Variants in C3orf20 observed in about 807,000 individuals in gnomAD.
The protein encoded by C3orf20 is family with sequence similarity 149 member C.
In C3orf20, 76 loss-of-function variants were observed where a neutral mutation model predicts 88.3. That is an observed-to-expected ratio of 0.86 (90% confidence interval 0.72 to 1.04). C3orf20 has a LOEUF of 1.04. C3orf20 is among the 50% of genes least tolerant of loss of function. The probability of loss-of-function intolerance (pLI) is 0.00; values close to 1 mark genes in which losing one functional copy is unlikely to be tolerated. For missense variants in C3orf20, 1,056 were observed against 1,123.3 expected (o/e 0.94, Z 0.86); for synonymous variants, 436 against 437.4 (o/e 1.00, Z 0.04).
intron 12 of C3orf20, among the ~76,000 whole-genome samples, chr3:14,756,061 GAA>G (rs2035361022): frequency 6.8e-6 from 1 of 146,816 alleles, no homozygotes; most frequent in Non-Finnish European, 1.5e-5. Flanking sequence ...AAAGAAAAAA[GAA>G]AAAAGAGTTT....
intron 13 of C3orf20, among the ~76,000 whole-genome samples, chr3:14,758,318 G>A (rs749158621): frequency 6.6e-6 from 1 of 152,186 alleles, no homozygotes; most frequent in East Asian, 1.9e-4. Context: ...GTGCGAAGGG[G>A]GACAGGAGAG....
intron 5 of C3orf20, among the ~76,000 whole-genome samples, chr3:14,694,191 G>A (rs557827460): frequency 3.9e-5 from 6 of 152,246 alleles, no homozygotes; most frequent in Non-Finnish European, 8.8e-5. Context: ...TGGTATCAGA[G>A]TAATATTGGC....
At chr3:14,737,878 G>A (rs1288177533) in intron 12 of C3orf20, among the ~76,000 whole-genome samples, 1 of 152,054 alleles carries the variant, frequency 6.6e-6, no homozygotes, top group Non-Finnish European at 1.5e-5. Context: ...AATGTTTATG[G>A]CATCTTCACC....
chr3:14,676,738 A>G (rs752450397), intron 1 of C3orf20, among the ~76,000 whole-genome samples: 4 of 152,082 alleles, frequency 2.6e-5, no homozygotes, highest in Admixed American at 1.3e-4. Flanking sequence ...GACCCATCAC[A>G]GTAAGGGCCC....
intron 10 of C3orf20, chr3:14,722,521 C>A (rs1364972241): frequency 2.2e-6 from 1 of 456,698 alleles, no homozygotes; most frequent in Non-Finnish European, 4.4e-6. Context: ...AGAAAACTAC[C>A]AGTGCATGTT....
chr3:14,688,529 C>CAAAAAAAAAAAAAAAAAAAA (rs35979290), intron 4 of C3orf20, among the ~76,000 whole-genome samples: 7 of 105,840 alleles, frequency 6.6e-5, no homozygotes, highest in South Asian at 3.4e-4. Flanking sequence ...GAGACTGTCT[C>CAAAAAAAAAAAAAAAAAAAA]AAAAAAAAAA....
At chr3:14,697,489 C>T (rs903508934) in intron 5 of C3orf20, among the ~76,000 whole-genome samples, 1 of 151,998 alleles carries the variant, frequency 6.6e-6, no homozygotes, top group Non-Finnish European at 1.5e-5. Flanking sequence ...ATATCAATTG[C>T]ATTTTTAAAT....
chr3:14,692,348 A>G (rs1242064333), intron 5 of C3orf20, among the ~76,000 whole-genome samples: 1 of 152,198 alleles, frequency 6.6e-6, no homozygotes, highest in African/African-American at 2.4e-5. Flanking sequence ...GGTTGTGCTA[A>G]TTGACATTCC....
chr3:14,772,744 G>C lies in C3orf20; in HGVS notation c.2631-47G>C. ...CAACCGGGCCTGGGCTCTGGGCACT[G>C]TGAAGAACAGCCCTTCCGCCTCCCG... On this transcript the variant is annotated intron_variant, in intron 16 of 16. Transcript: ENST00000253697. This position sits in a 1 kb window ranked among gnomAD's most constrained non-coding sequence, Gnocchi z 4.2. 1 of 1,518,738 alleles carries C rather than the reference G, an allele frequency of 6.6e-7. No individual in the cohort carries two copies. The allele number at this position is 1,518,738 out of a possible 1,614,324, so 94.1% of individuals were successfully genotyped here. A position where few individuals can be genotyped will look rare whatever the true frequency, so the allele number is the denominator to read the frequency against.
intron 12 of C3orf20, among the ~76,000 whole-genome samples, chr3:14,736,359 C>T (rs1443911963): frequency 1.3e-5 from 2 of 151,640 alleles, no homozygotes; most frequent in African/African-American, 4.9e-5. Flanking sequence ...GGCACAATCT[C>T]GGCTCACTGC....
At chr3:14,749,270 T>C (rs2035150986) in intron 12 of C3orf20, among the ~76,000 whole-genome samples, 1 of 152,242 alleles carries the variant, frequency 6.6e-6, no homozygotes, top group African/African-American at 2.4e-5. Context: ...TAACCACTCC[T>C]GGTTATTTTT....
At chr3:14,734,559 C>T (rs1231084166) in intron 12 of C3orf20, among the ~76,000 whole-genome samples, 1 of 152,088 alleles carries the variant, frequency 6.6e-6, no homozygotes, top group Non-Finnish European at 1.5e-5. Context: ...GAAAAAACTG[C>T]ATAATTTCAA....
At chr3:14,731,599 T>C (rs2034543037) in intron 12 of C3orf20, among the ~76,000 whole-genome samples, 1 of 152,188 alleles carries the variant, frequency 6.6e-6, no homozygotes, top group Non-Finnish European at 1.5e-5. Flanking sequence ...ATGTTTCTGC[T>C]AAGGAAGCCC....
chr3:14,735,364 A>T (rs536761328), intron 12 of C3orf20, among the ~76,000 whole-genome samples: 1 of 151,782 alleles, frequency 6.6e-6, no homozygotes, highest in South Asian at 2.1e-4. Context: ...TCCATATATT[A>T]TTTAAATATT....
chr3:14,769,246 G>A (rs1171626557), intron 15 of C3orf20, among the ~76,000 whole-genome samples: 1 of 152,102 alleles, frequency 6.6e-6, no homozygotes, highest in East Asian at 1.9e-4. Flanking sequence ...CAGAGGAGGG[G>A]ACCTGGGAGG....
intron 9 of C3orf20, 73 bp downstream of exon 9, chr3:14,715,482 G>C (rs574080171): frequency 6.5e-7 from 1 of 1,529,544 alleles, no homozygotes; most frequent in African/African-American, 1.4e-5. Flanking sequence ...ATCCTGCCAT[G>C]CACTGCCTAG....
At chr3:14,721,170 T>C (rs1172328310) in intron 9 of C3orf20, among the ~76,000 whole-genome samples, 3 of 152,222 alleles carry the variant, frequency 2.0e-5, no homozygotes, top group Non-Finnish European at 2.9e-5. Flanking sequence ...TTCTGGGTCC[T>C]CTTTGACCTC....
intron 5 of C3orf20, among the ~76,000 whole-genome samples, chr3:14,694,826 G>T (rs1006017783): frequency 6.6e-6 from 1 of 151,700 alleles, no homozygotes; most frequent in Non-Finnish European, 1.5e-5. Context: ...GTCTCACTCT[G>T]TTGCCCCAGG....
At chr3:14,703,391 G>C in intron 6 of C3orf20, 129 bp downstream of exon 6, 1 of 1,456,848 alleles carries the variant, frequency 6.9e-7, no homozygotes, top group African/African-American at 1.4e-5. Context: ...CTGGGAGCGT[G>C]GGTTATGTGG....
Sources: allele counts gnomAD v4.1 joint callset (sites outside exome capture counted in the v4.1 genomes callset), GRCh38; gene constraint gnomAD v4.1.1; non-coding constraint Gnocchi (gnomAD v3.1); transcripts MANE v1.5; gene names NCBI Gene and HGNC (gene_info 2026-07-23, HGNC 2026-07-21).